The following FHIP1A variants were observed in gnomAD, a reference collection of about 807,000 sequenced individuals.
FHIP1A encodes FHF complex subunit HOOK-interacting protein 1A.
Under a neutral mutation model 88.6 loss-of-function variants are expected in FHIP1A, and 61 were observed. The observed-to-expected ratio is 0.69, with a 90% CI of 0.56 to 0.85. The LOEUF is 0.85. Ranked by LOEUF, FHIP1A falls within the 40% of genes least tolerant of loss-of-function variation. The pLI, the probability that FHIP1A is intolerant of heterozygous loss-of-function variation, is 0.00. For synonymous variants in FHIP1A, 478 were observed against 496.0 expected (o/e 0.96, Z 0.48); for missense variants, 1,154 against 1,273.5 (o/e 0.91, Z 1.43).
At chr4:151,586,446 G>T (rs934197513) in intron 5 of FHIP1A, among the ~76,000 whole-genome samples, 195 bp from the exon 6 acceptor site, 1 of 152,190 alleles carries the variant, frequency 6.6e-6, no homozygotes, top group South Asian at 2.1e-4. Flanking sequence ...CATTCCTTCT[G>T]CCAGAGTTGT....
At chr4:151,642,826 G>A (rs1736640107) in intron 9 of FHIP1A, among the ~76,000 whole-genome samples, 1 of 151,274 alleles carries the variant, frequency 6.6e-6, no homozygotes, top group African/African-American at 2.4e-5. Context: ...TAAAGGGTTG[G>A]GGAAATAGTG....
chr4:151,502,474 A>C (rs1730689126), intron 3 of FHIP1A, among the ~76,000 whole-genome samples: 1 of 152,232 alleles, frequency 6.6e-6, no homozygotes, highest in Non-Finnish European at 1.5e-5. Flanking sequence ...AACTGAAGTG[A>C]AAAATTCAGT....
At chr4:151,596,153 T>C (rs1734639471) in intron 7 of FHIP1A, among the ~76,000 whole-genome samples, 1 of 152,228 alleles carries the variant, frequency 6.6e-6, no homozygotes, top group Non-Finnish European at 1.5e-5. Context: ...GTTTCTGCAG[T>C]GGCTGGTTTT....
intron 7 of FHIP1A, among the ~76,000 whole-genome samples, chr4:151,622,359 T>G (rs1448736121): frequency 6.6e-6 from 1 of 152,186 alleles, no homozygotes; most frequent in East Asian, 1.9e-4. Flanking sequence ...TGCAAAAGAT[T>G]ATGAGCCTCG....
intron 10 of FHIP1A, among the ~76,000 whole-genome samples, chr4:151,649,131 C>T (rs1249433370): frequency 2.0e-5 from 3 of 152,130 alleles, no homozygotes; most frequent in African/African-American, 7.2e-5. Context: ...AGGTGTATTA[C>T]CTAATTTAAT....
At chr4:151,600,686 G>C (rs1734835123) in intron 7 of FHIP1A, among the ~76,000 whole-genome samples, 1 of 152,188 alleles carries the variant, frequency 6.6e-6, no homozygotes, top group Non-Finnish European at 1.5e-5. Flanking sequence ...GCTGGGGCCT[G>C]AACAGGTTGG....
chr4:151,524,938 C>CA lies in FHIP1A; in HGVS notation c.-122-41197dup, dbSNP rs1456836044. ...ATAAATACATGACAGAAATAGGAATCAAATTCTCAAATGGTGCGTCAGCTC... is the reference window on the plus strand; with the variant it reads ...ATAAATACATGACAGAAATAGGAATCAAAATTCTCAAATGGTGCGTCAGCTC... On this transcript the variant is annotated intron_variant, in intron 3 of 13. Transcript: ENST00000435205. Among the ~76,000 whole-genome samples the CA allele has an allele frequency of 2.0e-5, 3 of 152,264 alleles. No individual in the cohort carries two copies. In the East Asian group the frequency reaches 5.8e-4, roughly 29 times the overall value.
chr4:151,535,329 A>T (rs918072699), intron 3 of FHIP1A, among the ~76,000 whole-genome samples: 1 of 152,238 alleles, frequency 6.6e-6, no homozygotes, highest in Admixed American at 6.5e-5. Flanking sequence ...TTAATGCCAA[A>T]TATGTCATAA....
intron 3 of FHIP1A, among the ~76,000 whole-genome samples, chr4:151,530,609 C>T (rs544113825): frequency 6.6e-6 from 1 of 152,268 alleles, no homozygotes; most frequent in South Asian, 2.1e-4. Flanking sequence ...TGGTTTTGAC[C>T]ATTTTTAATC....
In FHIP1A at chr4:151,650,086, G is replaced by T; in HGVS notation, c.2045G>T (p.Gly682Val). 6.4e-7 allele frequency: 1 copy of T among 1,551,598 alleles called. No homozygotes were observed. The highest frequency in any genetic ancestry group is 8.7e-7 in the Non-Finnish European group (1 of 1,146,980). The change falls in exon 11 of 14, where the codon GGC (glycine) becomes GTC (valine). Residue 682 changes from glycine (G) to valine (V), a missense_variant. Gly to Val is a moderately radical substitution (Grantham distance 109). Transcript: ENST00000435205. ...AEVQSVPINN[G>V]PLLSTQPETD... is the part of the protein sequence containing the mutation. ...GTTCAGAGTGTCCCCATCAACAACG[G>T]CCCCCTCCTCAGCACCCAGCCAGAG...
Position 151,589,238 on chromosome 4 carries a change from G to A in FHIP1A, c.978+312G>A, listed in dbSNP as rs566737240. Among the ~76,000 whole-genome samples the A allele has an allele frequency of 2.0e-5, 3 of 152,314 alleles. No individual in the cohort carries two copies. The South Asian group carries it at 6.2e-4, about 32-fold the overall frequency. On this transcript the variant is annotated intron_variant, in intron 7 of 13. Transcript: ENST00000435205. ...AGTGGCAACTTGGAACTGTCAAGAT[G>A]TTCTCCAAGGCTGAGTCTGTCATAG... is the stretch of plus-strand genomic sequence containing the variant.
intron 2 of FHIP1A, 126 bp downstream of exon 2, chr4:151,454,934 C>A (rs966664909): frequency 1.1e-4 from 17 of 152,066 alleles, no homozygotes; most frequent in African/African-American, 4.1e-4. Flanking sequence ...AGTTGCAATT[C>A]TTGGTGGCTT....
intron 7 of FHIP1A, among the ~76,000 whole-genome samples, chr4:151,627,749 G>A (rs1409965565): frequency 2.0e-5 from 3 of 152,104 alleles, no homozygotes; most frequent in Non-Finnish European, 2.9e-5. Flanking sequence ...TATAAAAAAC[G>A]TCTCTACTTT....
intron 3 of FHIP1A, among the ~76,000 whole-genome samples, chr4:151,504,829 G>A (rs1192454663): frequency 6.6e-6 from 1 of 152,100 alleles, no homozygotes; most frequent in African/African-American, 2.4e-5. Context: ...CGTTGGCCAG[G>A]CTGGTCTCAA....
chr4:151,440,444 C>G (rs917911210), intron 1 of FHIP1A, among the ~76,000 whole-genome samples: 5 of 152,150 alleles, frequency 3.3e-5, no homozygotes, highest in Non-Finnish European at 5.9e-5. Flanking sequence ...GTCTACTGGA[C>G]AATTTCTAGT....
intron 2 of FHIP1A, among the ~76,000 whole-genome samples, chr4:151,465,533 G>A (rs1468109546): frequency 2.0e-5 from 3 of 152,078 alleles, no homozygotes; most frequent in Admixed American, 2.0e-4. Flanking sequence ...TGAGGCCAGC[G>A]TCATCCTGAT....
chr4:151,630,132 T>G (rs1335366297), intron 8 of FHIP1A, among the ~76,000 whole-genome samples: 1 of 152,200 alleles, frequency 6.6e-6, no homozygotes, highest in Non-Finnish European at 1.5e-5. Context: ...TTTCTCTGTT[T>G]TAGCACTTTC....
intron 3 of FHIP1A, among the ~76,000 whole-genome samples, 152 bp downstream of exon 3, chr4:151,482,800 T>C (rs1413282871): frequency 6.6e-6 from 1 of 152,120 alleles, no homozygotes; most frequent in African/African-American, 2.4e-5. Context: ...GGCTGTACTC[T>C]ATCCTCTATG....
At chr4:151,604,047 C>T (rs752265667) in intron 7 of FHIP1A, among the ~76,000 whole-genome samples, 2 of 152,140 alleles carry the variant, frequency 1.3e-5, no homozygotes, top group Non-Finnish European at 2.9e-5. Flanking sequence ...GTGTCACAGC[C>T]CTGACTCCGT....
Sources: allele counts gnomAD v4.1 joint callset (sites outside exome capture counted in the v4.1 genomes callset), GRCh38; gene constraint gnomAD v4.1.1; transcripts MANE v1.5; gene names NCBI Gene and HGNC (gene_info 2026-07-23, HGNC 2026-07-21).